PTPRD: variants seen among roughly 807,000 people sequenced by gnomAD.
PTPRD encodes receptor-type tyrosine-protein phosphatase delta.
PTPRD carries 34 observed loss-of-function variants against 214.5 expected under a neutral mutation model. That is an observed-to-expected ratio of 0.16 (90% CI 0.12 to 0.21). The LOEUF is 0.21. PTPRD is among the 10% of genes least tolerant of loss of function. The pLI is 1.00. For missense variants in PTPRD, 2,545 were observed against 2,398.7 expected, an observed-to-expected ratio of 1.06 and a Z score of -1.27; for synonymous variants, 1,128 against 845.7, an observed-to-expected ratio of 1.33 and a Z score of -5.79.
chr9:8,524,383 T>G (rs1374471748), intron 18 of PTPRD, among the ~76,000 whole-genome samples: 10 of 152,172 alleles, frequency 6.6e-5, no homozygotes, highest in African/African-American at 2.4e-4. Flanking sequence ...ATACTATGTG[T>G]TTATAATTAA....
At chr9:8,553,332 G>A (rs951573244) in intron 14 of PTPRD, among the ~76,000 whole-genome samples, 1 of 152,162 alleles carries the variant, frequency 6.6e-6, no homozygotes, top group Non-Finnish European at 1.5e-5. Context: ...ATGTGGAGTT[G>A]CTCTGACCTC....
intron 14 of PTPRD, among the ~76,000 whole-genome samples, chr9:8,618,468 G>T (rs931586537): frequency 1.3e-5 from 2 of 152,018 alleles, no homozygotes; most frequent in Non-Finnish European, 2.9e-5. Flanking sequence ...GGTGATCAAA[G>T]ATTCCTGTGA....
chr9:8,711,531 A>G (rs1369824014), intron 12 of PTPRD, among the ~76,000 whole-genome samples: 1 of 152,174 alleles, frequency 6.6e-6, no homozygotes, highest in Admixed American at 6.5e-5. Flanking sequence ...AGCAAAAATA[A>G]TAATAAAAAC....
intron 3 of PTPRD, among the ~76,000 whole-genome samples, chr9:10,091,683 T>C (rs1341652394): frequency 1.3e-5 from 2 of 151,470 alleles, no homozygotes; most frequent in African/African-American, 2.4e-5. Flanking sequence ...TTGGACATTT[T>C]CTTGCAAAGG....
intron 10 of PTPRD, among the ~76,000 whole-genome samples, chr9:9,132,959 C>A (rs1293018701): frequency 6.6e-6 from 1 of 152,106 alleles, no homozygotes; most frequent in Non-Finnish European, 1.5e-5. Context: ...CAGATAAAGT[C>A]CAATGCAGGA....
At chr9:9,384,999 G>C (rs773091647) in intron 9 of PTPRD, among the ~76,000 whole-genome samples, 1 of 152,016 alleles carries the variant, frequency 6.6e-6, no homozygotes, top group Non-Finnish European at 1.5e-5. Flanking sequence ...TTCAAACTTT[G>C]AAGTATTTAT....
At chr9:9,064,797 G>C (rs573573865) in intron 10 of PTPRD, among the ~76,000 whole-genome samples, 1 of 152,278 alleles carries the variant, frequency 6.6e-6, no homozygotes, top group South Asian at 2.1e-4. Context: ...AGAGATTTGT[G>C]TTCAGAAAAG....
intron 33 of PTPRD, among the ~76,000 whole-genome samples, chr9:8,450,996 G>A (rs1380522862): frequency 1.3e-5 from 2 of 152,208 alleles, no homozygotes; most frequent in Admixed American, 1.3e-4. Flanking sequence ...CGATGTGACT[G>A]TGGTACAGCT....
At chr9:10,461,969 T>A (rs540177889) in intron 2 of PTPRD, among the ~76,000 whole-genome samples, 2 of 151,816 alleles carry the variant, frequency 1.3e-5, no homozygotes. Context: ...TATATAGAGA[T>A]GGAAAATAAA....
intron 11 of PTPRD, among the ~76,000 whole-genome samples, chr9:8,937,149 G>C (rs1156827271): frequency 6.6e-6 from 1 of 152,012 alleles, no homozygotes; most frequent in Non-Finnish European, 1.5e-5. Flanking sequence ...ATATTGTGTT[G>C]AGTAACGTTT....
chr9:8,812,736 G>T (rs770406201), intron 11 of PTPRD, among the ~76,000 whole-genome samples: 29 of 151,788 alleles, frequency 1.9e-4, no homozygotes, highest in Non-Finnish European at 3.5e-4. Context: ...ACTCGGTGGG[G>T]CTTGAAGGCT....
intron 14 of PTPRD, among the ~76,000 whole-genome samples, chr9:8,547,979 G>C (rs2080761773): frequency 6.6e-6 from 1 of 152,122 alleles, no homozygotes; most frequent in East Asian, 1.9e-4. Context: ...CTTAAAAGTT[G>C]TACCATGTAA....
intron 7 of PTPRD, among the ~76,000 whole-genome samples, chr9:9,624,288 T>C (rs982911011): frequency 5.9e-5 from 9 of 152,018 alleles, no homozygotes; most frequent in Non-Finnish European, 8.8e-5. Flanking sequence ...TTTGTTTGTT[T>C]GTTTGTTTGT....
chr9:10,275,049 G>C (rs552967330), intron 3 of PTPRD, among the ~76,000 whole-genome samples: 1 of 152,166 alleles, frequency 6.6e-6, no homozygotes, highest in East Asian at 1.9e-4. Flanking sequence ...GGAAATCAGG[G>C]CACTAGTTTT....
At chr9:9,469,704 G>T (rs571874187) in intron 8 of PTPRD, among the ~76,000 whole-genome samples, 1 of 152,022 alleles carries the variant, frequency 6.6e-6, no homozygotes, top group African/African-American at 2.4e-5. Flanking sequence ...GTTCAAGGTG[G>T]GTATGTTTCT....
intron 11 of PTPRD, among the ~76,000 whole-genome samples, chr9:8,910,852 T>C (rs2098741892): frequency 6.6e-6 from 1 of 152,206 alleles, no homozygotes; most frequent in Non-Finnish European, 1.5e-5. Flanking sequence ...AAAAATTATG[T>C]TCATAATAGG....
chr9:9,492,930 C>T (rs1478671598), intron 8 of PTPRD, among the ~76,000 whole-genome samples: 2 of 146,376 alleles, frequency 1.4e-5, no homozygotes, highest in Non-Finnish European at 3.0e-5. Context: ...TTCTGGGGCA[C>T]CATGAACCCA....
intron 2 of PTPRD, among the ~76,000 whole-genome samples, chr9:10,465,663 T>G (rs2098988562): frequency 6.6e-6 from 1 of 152,202 alleles, no homozygotes; most frequent in East Asian, 1.9e-4. Flanking sequence ...TACACTGTGC[T>G]ACAATTCCCT....
chr9:8,574,989 C>T (rs1054399207), intron 14 of PTPRD, among the ~76,000 whole-genome samples: 1 of 151,972 alleles, frequency 6.6e-6, no homozygotes, highest in Non-Finnish European at 1.5e-5. Context: ...TCAACCTTGG[C>T]AATAAAGGCA....
Sources: gnomAD v4.1 joint callset for allele counts (sites outside exome capture counted in the v4.1 genomes callset) on GRCh38, gnomAD v4.1.1 for gene constraint, MANE v1.5 for transcripts, NCBI Gene and HGNC (gene_info 2026-07-23, HGNC 2026-07-21) for gene names.